Variants in SYNE1 observed in about 807,000 individuals in gnomAD.
SYNE1 encodes the protein spectrin repeat containing nuclear envelope protein 1.
A neutral mutation model predicts 1,111.0 loss-of-function variants in SYNE1; 616 were observed. That is an observed-to-expected ratio of 0.55 (90% CI 0.52 to 0.59). The LOEUF (loss-of-function observed/expected upper bound fraction) is 0.59, where lower values mean the gene tolerates loss of function less well. SYNE1 is among the 20% of genes least tolerant of loss of function. The pLI, the probability that SYNE1 is intolerant of heterozygous loss-of-function variation, is 0.00. For missense variants in SYNE1, 10,006 were observed against 10,417.0 expected, an observed-to-expected ratio of 0.96 and a Z score of 1.72; for synonymous variants, 3,855 against 3,825.8, an observed-to-expected ratio of 1.01 and a Z score of -0.28.
chr6:152,402,007 G>C (rs1350106365), intron 46 of SYNE1, among the ~76,000 whole-genome samples: 3 of 152,172 alleles, frequency 2.0e-5, no homozygotes, highest in East Asian at 1.9e-4. Flanking sequence ...CCTCAGATCT[G>C]CTGGGAGCAG....
chr6:152,331,112 T>A lies in SYNE1; in HGVS notation c.13573A>T (p.Thr4525Ser). 6.2e-7 allele frequency: 1 copy of A among 1,614,204 alleles called. No individual in the cohort carries two copies. Among genetic ancestry groups the A allele is most frequent in the Non-Finnish European group, 8.5e-7 (1 of 1,180,038 alleles). ...AGCACTTCACTCTTTTCCTGCTCTG[T>A]GACTTCCTTCATTAGTTCGCGACCC... ...AQGRELMKEV[T>S]EQEKSEVLGK... The change falls in exon 78 of 146, where the codon ACA (threonine) becomes TCA (serine). Residue 4525 changes from threonine to serine, a missense_variant. Transcript: ENST00000367255.
rs930616974 is a variant in SYNE1, at chr6:152,186,632, C to T, written c.23301+2620G>A. ...AAAATTAGAAGGGAAGAAACAGTGT[C>T]GGCAGGAAGAGTGGCATAATCCAGG... is the stretch of plus-strand genomic sequence containing the variant. On this transcript the variant is annotated intron_variant, in intron 128 of 145. Coordinates refer to ENST00000367255, the MANE Select transcript of SYNE1 (RefSeq NM_182961.4). Among the ~76,000 whole-genome samples the T allele has an allele frequency of 3.6e-5, 5 of 138,958 alleles. No homozygotes were observed. In the South Asian group the frequency reaches 9.4e-4, roughly 26 times the overall value. 91.2% of individuals were successfully genotyped at this position (138,958 alleles called of 152,430 possible).
chr6:152,390,138 C>T, intron 53 of SYNE1, 142 bp downstream of exon 53: 1 of 869,880 alleles, frequency 1.1e-6, no homozygotes, highest in Non-Finnish European at 1.8e-6. Context: ...CTATGGAAAA[C>T]ACAACTTAGA....
At chr6:152,621,007 A>C (rs1309737477) in intron 3 of SYNE1, among the ~76,000 whole-genome samples, 1 of 152,182 alleles carries the variant, frequency 6.6e-6, no homozygotes, top group African/African-American at 2.4e-5. Context: ...GAAGGAGAGG[A>C]AATTTCTGAT....
intron 133 of SYNE1, among the ~76,000 whole-genome samples, chr6:152,154,119 G>A (rs1322238182): frequency 6.6e-6 from 1 of 152,122 alleles, no homozygotes; most frequent in Non-Finnish European, 1.5e-5. Flanking sequence ...AGTGGGAACT[G>A]AAGGGAAAAA....
intron 122 of SYNE1, among the ~76,000 whole-genome samples, chr6:152,214,373 C>T (rs2078161305): frequency 1.3e-5 from 2 of 151,960 alleles, no homozygotes; most frequent in Admixed American, 1.3e-4. Flanking sequence ...TTTGAATTTC[C>T]CACTTTTAGT....
intron 56 of SYNE1, among the ~76,000 whole-genome samples, chr6:152,378,072 G>A (rs2097329287): frequency 6.6e-6 from 1 of 152,126 alleles, no homozygotes; most frequent in Non-Finnish European, 1.5e-5. Flanking sequence ...TCATAGGATT[G>A]TCACAAGGAA....
At chr6:152,346,992 A>C (rs1458338273) in intron 73 of SYNE1, 67 bp downstream of exon 73, 1 of 1,560,496 alleles carries the variant, frequency 6.4e-7, no homozygotes, top group Non-Finnish European at 8.7e-7. Context: ...ATTTGTAAAA[A>C]GTCTCTAGAC....
chr6:152,350,669 G>A lies in SYNE1; in HGVS notation c.11682C>T (p.Asp3894=). ...AATCACTTTGAAGTTGATCTATTTT[G>A]TCCTTTAAAGTGACGTCCTGCACCA... ...LELVQDVTLK[D]KIDQLQSDYQ... is the part of the protein sequence containing the mutation. The change falls in exon 71 of 146, where the codon GAC becomes GAT. Residue 3894 remains aspartate, a synonymous_variant. Coordinates refer to ENST00000367255, the MANE Select transcript of SYNE1 (RefSeq NM_182961.4). 1 of 1,613,960 alleles carries A rather than the reference G, an allele frequency of 6.2e-7. No individual in the cohort carries two copies. The highest frequency in any genetic ancestry group is 1.3e-5 in the African/African-American group (1 of 74,960).
In SYNE1 at chr6:152,449,561, T is replaced by A; in HGVS notation, c.3476A>T (p.Asn1159Ile). The A allele has an allele frequency of 1.9e-6, 3 of 1,614,178 alleles. No homozygotes were observed. The highest frequency in any genetic ancestry group is 2.5e-6 in the Non-Finnish European group (3 of 1,180,000). ...GIKGEAIDTA[N>I]HGEVKRAVEE... ...AACGGCACGTTTAACCTCTCCGTGG[T>A]TGGCAGTATCGATGGCCTCACCCTT... Residue 1159 changes from asparagine (N) to isoleucine (I), a missense_variant, in exon 28 of 146, where the codon AAC (asparagine) becomes ATC (isoleucine). Coordinates refer to ENST00000367255, the MANE Select transcript of SYNE1 (RefSeq NM_182961.4).
chr6:152,302,178 G>T lies in SYNE1; in HGVS notation c.17347-115C>A, dbSNP rs145151286. ...TGAGCGCGCAGAGCCGCGCGGGCCC[G>T]GGAGGCAGGATGTGTAGGCGGCGAG... On this transcript the variant is annotated intron_variant, in intron 91 of 145. Transcript: ENST00000367255. 2.8e-6 allele frequency: 4 copies of T among 1,418,140 alleles called. No individual in the cohort carries two copies. The East Asian group carries it at 9.2e-5, about 33-fold the overall frequency. 87.8% of individuals were successfully genotyped at this position (1,418,140 alleles called of 1,614,324 possible). A position where few individuals can be genotyped will look rare whatever the true frequency, so the allele number is the denominator to read the frequency against.
At position 152,310,486 on chromosome 6, in the gene SYNE1, C is replaced by T. The variant is rs763489904; in HGVS notation, c.16929G>A (p.Lys5643=). ...GGGCTTGCTCCAAGGCAGCTTGTAACTTTTTCAACTCTGCTTCAAATTTTT... is the reference window on the plus strand; with the variant it reads ...GGGCTTGCTCCAAGGCAGCTTGTAATTTTTTCAACTCTGCTTCAAATTTTT... ...DMKKFEAELK[K]LQAALEQAQA... is the part of the protein sequence containing the mutation. The change falls in exon 89 of 146, where the codon AAG becomes AAA. Residue 5643 remains lysine, a synonymous_variant. Transcript: ENST00000367255. 5.6e-6 allele frequency: 9 copies of T among 1,613,988 alleles called. No individual in the cohort carries two copies. The African/African-American group carries it at 1.2e-4, about 22-fold the overall frequency.
intron 101 of SYNE1, among the ~76,000 whole-genome samples, chr6:152,260,054 A>C (rs1562578054): frequency 6.6e-6 from 1 of 152,164 alleles, no homozygotes; most frequent in Non-Finnish European, 1.5e-5. Flanking sequence ...GCAGCTCTTG[A>C]AGATGAAAGC....
chr6:152,153,840 A>G (rs2747643), intron 133 of SYNE1, among the ~76,000 whole-genome samples: 40,402 of 152,066 alleles, frequency 0.27, 5,758 homozygotes, highest in South Asian at 0.39. Flanking sequence ...GTATTTGAAC[A>G]TTTTTCTAGA....
chr6:152,281,698 G>T, intron 97 of SYNE1, 109 bp downstream of exon 97: 1 of 1,174,360 alleles, frequency 8.5e-7, no homozygotes, highest in Non-Finnish European at 1.2e-6. Context: ...AAGTCTATGG[G>T]TTGGGAAAAA....
chr6:152,284,223 G>T, intron 95 of SYNE1, 51 bp from the exon 96 acceptor site: 1 of 1,583,998 alleles, frequency 6.3e-7, no homozygotes, highest in Non-Finnish European at 8.6e-7. Context: ...CTTCACTGAG[G>T]GATCATTAGC....
intron 121 of SYNE1, among the ~76,000 whole-genome samples, chr6:152,217,491 A>G (rs574229450): frequency 1.1e-4 from 16 of 152,174 alleles, no homozygotes; most frequent in Admixed American, 2.0e-4. Context: ...TTTTCACACA[A>G]TGTGGAATGA....
At chr6:152,386,856 A>G (rs2097533699) in intron 54 of SYNE1, among the ~76,000 whole-genome samples, 1 of 152,196 alleles carries the variant, frequency 6.6e-6, no homozygotes, top group Non-Finnish European at 1.5e-5. Flanking sequence ...GATTGTAGAA[A>G]GAGAAAAATG....
Position 152,603,855 on chromosome 6 carries a change from A to G in SYNE1, c.67+24410T>C, listed in dbSNP as rs1017500507. On this transcript the variant is annotated intron_variant, in intron 3 of 145. Transcript: ENST00000367255. Reference sequence around the variant, plus strand: ...ATACTATCTATCTATACATATATGTATATATAGATAGATATACTATCTATC... The same window carrying G: ...ATACTATCTATCTATACATATATGTGTATATAGATAGATATACTATCTATC... 2.3e-5 allele frequency among the ~76,000 whole-genome samples: 3 copies of G among 130,572 alleles called. 1 individual carries two copies. Among genetic ancestry groups the G allele is most frequent in the African/African-American group, 8.4e-5 (3 of 35,530 alleles). 85.7% of individuals were successfully genotyped at this position (130,572 alleles called of 152,430 possible).
Sources: gnomAD v4.1 joint callset for allele counts (sites outside exome capture counted in the v4.1 genomes callset) on GRCh38, gnomAD v4.1.1 for gene constraint, MANE v1.5 for transcripts, NCBI Gene and HGNC (gene_info 2026-07-23, HGNC 2026-07-21) for gene names.